The following NALCN variants were observed in gnomAD, a reference collection of about 807,000 sequenced individuals.
NALCN encodes sodium leak channel, non-selective.
A neutral mutation model predicts 225.3 loss-of-function variants in NALCN; 111 were observed. The observed-to-expected ratio is 0.49, with a 90% CI of 0.42 to 0.58. The LOEUF (loss-of-function observed/expected upper bound fraction) is 0.58, where lower values mean the gene tolerates loss of function less well. Among genes scored for constraint, NALCN ranks in the 20% least tolerant of loss-of-function variants. NALCN has a pLI of 0.00. For missense variants in NALCN, 1,378 were observed against 2,202.4 expected (o/e 0.63, Z 7.49); for synonymous variants, 764 against 769.0 (o/e 0.99, Z 0.11).
chr13:101,259,649 AT>A (rs1183457364), intron 10 of NALCN, among the ~76,000 whole-genome samples: 1 of 150,700 alleles, frequency 6.6e-6, no homozygotes, highest in African/African-American at 2.4e-5. Flanking sequence ...GAGTATTATT[AT>A]AAAGGTTATC....
intron 15 of NALCN, among the ~76,000 whole-genome samples, chr13:101,161,142 G>C (rs1007054288): frequency 5.3e-5 from 8 of 152,142 alleles, no homozygotes; most frequent in African/African-American, 1.9e-4. Flanking sequence ...ATTTTTGTCT[G>C]TTCTGTTCAT....
At chr13:101,101,309 G>T in intron 26 of NALCN, among the ~76,000 whole-genome samples, 1 of 125,994 alleles carries the variant, frequency 7.9e-6, no homozygotes. Flanking sequence ...GAGATGGAGT[G>T]CCACTCTGTC....
intron 18 of NALCN, among the ~76,000 whole-genome samples, chr13:101,114,613 C>A (rs901973456): frequency 2.6e-5 from 4 of 152,136 alleles, no homozygotes; most frequent in Non-Finnish European, 5.9e-5. Context: ...CACTAACAAC[C>A]ATGCGATTGA....
chr13:101,257,148 A>G (rs151179827), intron 11 of NALCN, among the ~76,000 whole-genome samples: 1 of 151,088 alleles, frequency 6.6e-6, no homozygotes, highest in Non-Finnish European at 1.5e-5. Context: ...TGGGCTGGAT[A>G]TAATTTCTTC....
chr13:101,293,354 A>G (rs1391124360), intron 7 of NALCN, among the ~76,000 whole-genome samples: 1 of 152,230 alleles, frequency 6.6e-6, no homozygotes. Flanking sequence ...TATTTCAGGT[A>G]TCATTTATGA....
chr13:101,292,333 G>A lies in NALCN; in HGVS notation c.833C>T (p.Ser278Leu). Reference sequence around the variant, plus strand: ...CATGAGGAACACCCAGCCTTCCTGTGAGGCGGCCTCATAGACGGTGAATAT... The same window carrying A: ...CATGAGGAACACCCAGCCTTCCTGTAAGGCGGCCTCATAGACGGTGAATAT... The part of the protein sequence containing the change: ...TSIFTVYEAA[S>L]QEGWVFLMYR... The change falls in exon 8 of 44, where the codon TCA (serine) becomes TTA (leucine). Residue 278 changes from serine (S) to leucine (L), a missense_variant. By Grantham distance (145) the Ser-to-Leu change is moderately radical. Around this residue, in one of 19 missense-constraint regions of NALCN, gnomAD observed 67 missense variants for 82.1 expected, o/e 0.82. Transcript: ENST00000251127. The surrounding 1 kb of genome is among the most constrained non-coding windows in gnomAD (Gnocchi z 4.3). 6.2e-7 allele frequency: 1 copy of A among 1,614,130 alleles called. No homozygotes were observed. Among genetic ancestry groups the A allele is most frequent in the Non-Finnish European group, 8.5e-7 (1 of 1,180,014 alleles).
intron 15 of NALCN, among the ~76,000 whole-genome samples, chr13:101,169,971 C>A (rs931628933): frequency 6.6e-6 from 1 of 152,134 alleles, no homozygotes; most frequent in African/African-American, 2.4e-5. Flanking sequence ...CAACTAACAT[C>A]AGGAGATGCA....
intron 13 of NALCN, among the ~76,000 whole-genome samples, chr13:101,218,608 G>T (rs2040826741): frequency 6.6e-6 from 1 of 152,040 alleles, no homozygotes; most frequent in Admixed American, 6.6e-5. Flanking sequence ...AGATTATAGG[G>T]GTGGTTTCTC....
At chr13:101,320,668 G>C (rs2044714477) in intron 7 of NALCN, among the ~76,000 whole-genome samples, 1 of 152,116 alleles carries the variant, frequency 6.6e-6, no homozygotes, top group Non-Finnish European at 1.5e-5. Context: ...CAGTTTTTCA[G>C]GTTCTTGGAA....
chr13:101,127,427 C>T (rs994553048), intron 17 of NALCN, among the ~76,000 whole-genome samples: 3 of 152,056 alleles, frequency 2.0e-5, no homozygotes, highest in Non-Finnish European at 2.9e-5. Context: ...GGTGTGATCC[C>T]GGCTCACTGC....
chr13:101,344,113 T>C (rs571743739), intron 7 of NALCN, among the ~76,000 whole-genome samples: 1 of 152,290 alleles, frequency 6.6e-6, no homozygotes, highest in East Asian at 1.9e-4. Context: ...ACATCTCGCC[T>C]CCCATACCAC....
intron 20 of NALCN, among the ~76,000 whole-genome samples, chr13:101,110,274 C>T (rs931194015): frequency 3.9e-5 from 6 of 152,156 alleles, no homozygotes; most frequent in Non-Finnish European, 5.9e-5. Flanking sequence ...CTAGAATATT[C>T]GATTCTCAGT....
chr13:101,367,192 A>C (rs948494268), intron 6 of NALCN, among the ~76,000 whole-genome samples: 12 of 152,000 alleles, frequency 7.9e-5, no homozygotes, highest in African/African-American at 2.9e-4. Flanking sequence ...TTGTAGAAAG[A>C]AACTCACAAC....
At chr13:101,395,459 G>T (rs2047264389) in intron 2 of NALCN, 94 bp from the exon 3 acceptor site, 1 of 1,186,160 alleles carries the variant, frequency 8.4e-7, no homozygotes, top group African/African-American at 1.5e-5. Flanking sequence ...TAATACTGAG[G>T]TTAAAATAGT....
At chr13:101,236,968 AAAAT>A (rs2041583820) in intron 12 of NALCN, among the ~76,000 whole-genome samples, 10 of 150,842 alleles carry the variant, frequency 6.6e-5, no homozygotes, top group Admixed American at 6.6e-4. Context: ...AAAATAAAAT[AAAAT>A]AAAAAATAAA....
At chr13:101,139,241 G>A (rs1022529178) in intron 17 of NALCN, among the ~76,000 whole-genome samples, 4 of 152,138 alleles carry the variant, frequency 2.6e-5, no homozygotes, top group African/African-American at 9.7e-5. Flanking sequence ...TTCAAAGCTT[G>A]GGTAATTACT....
At chr13:101,263,649 GGTT>G (rs1411776561) in intron 10 of NALCN, among the ~76,000 whole-genome samples, 1 of 152,128 alleles carries the variant, frequency 6.6e-6, no homozygotes, top group East Asian at 1.9e-4. Context: ...ATTATAATTA[GGTT>G]GTTTTTTGTC....
chr13:101,356,913 C>T (rs1387613882), intron 6 of NALCN, among the ~76,000 whole-genome samples: 2 of 152,130 alleles, frequency 1.3e-5, no homozygotes, highest in Non-Finnish European at 2.9e-5. Context: ...TAATTCATCA[C>T]ATAAACAGAA....
At chr13:101,322,434 T>C (rs1238469156) in intron 7 of NALCN, among the ~76,000 whole-genome samples, 1 of 152,256 alleles carries the variant, frequency 6.6e-6, no homozygotes, top group African/African-American at 2.4e-5. Flanking sequence ...TTAAAGTATA[T>C]GTTTTTATAT....
Sources: gnomAD v4.1 joint callset for allele counts (sites outside exome capture counted in the v4.1 genomes callset) on GRCh38, gnomAD v4.1.1 for gene constraint, gnomAD v4.1.1 regional missense constraint, Gnocchi (gnomAD v3.1) non-coding constraint, MANE v1.5 for transcripts, NCBI Gene and HGNC (gene_info 2026-07-23, HGNC 2026-07-21) for gene names.